The following TENM3 variants were observed in gnomAD, a reference collection of about 807,000 sequenced individuals.
TENM3 encodes the protein teneurin transmembrane protein 3, also known as teneurin-3.
Under a neutral mutation model 255.1 loss-of-function variants are expected in TENM3, and 63 were observed. That is an observed-to-expected ratio of 0.25 (90% CI 0.20 to 0.30). The LOEUF is 0.30. TENM3 is among the 10% of genes least tolerant of loss of function. TENM3 has a pLI of 1.00. For synonymous variants in TENM3, 1,306 were observed against 1,322.3 expected (o/e 0.99, Z 0.27); for missense variants, 2,929 against 3,461.1 (o/e 0.85, Z 3.86).
At chr4:182,691,760 TCTC>T (rs1344640496) in intron 12 of TENM3, among the ~76,000 whole-genome samples, 2 of 152,280 alleles carry the variant, frequency 1.3e-5, no homozygotes, top group African/African-American at 4.8e-5. Context: ...AATAGATACT[TCTC>T]CTTTCCTCCC....
chr4:182,679,276 A>G (rs1755921114), intron 7 of TENM3, among the ~76,000 whole-genome samples: 1 of 152,216 alleles, frequency 6.6e-6, no homozygotes, highest in Non-Finnish European at 1.5e-5. Context: ...ACGTACGACT[A>G]TTATATATCA....
At position 182,552,726 on chromosome 4, in the gene TENM3, G is replaced by A. The variant is rs750158733; in HGVS notation, c.512-48198G>A. ...GGCCAAAGATGGGAAAGGAAGAAGT[G>A]GATTAAATTATAGAATGAGATAGTA... On this transcript the variant is annotated intron_variant, in intron 3 of 27. Coordinates refer to ENST00000511685, the MANE Select transcript of TENM3 (RefSeq NM_001080477.4). 1.3e-3 allele frequency among the ~76,000 whole-genome samples: 192 copies of A among 152,142 alleles called. 4 individuals carry two copies. Among genetic ancestry groups the A allele is most frequent in the Non-Finnish European group, 3.5e-4 (24 of 68,036 alleles).
chr4:182,448,657 G>A (rs573414697), intron 3 of TENM3, among the ~76,000 whole-genome samples: 3 of 152,184 alleles, frequency 2.0e-5, no homozygotes, highest in South Asian at 2.1e-4. Flanking sequence ...TGCCCGGGGC[G>A]GCTCGCGAGC....
the TENM3 span, among the ~76,000 whole-genome samples, chr4:181,561,194 TCCAC>T: frequency 6.6e-6 from 1 of 152,170 alleles, no homozygotes; most frequent in Admixed American, 6.5e-5. Context: ...CCTCAGGTGA[TCCAC>T]CCATCTCGGC....
chr4:181,687,286 T>G, the TENM3 span, among the ~76,000 whole-genome samples: 1 of 152,216 alleles, frequency 6.6e-6, no homozygotes, highest in South Asian at 2.1e-4. Context: ...ATTTCTGCAT[T>G]GTAATGAAAC....
At chr4:182,602,058 A>G (rs1026706329) in intron 4 of TENM3, among the ~76,000 whole-genome samples, 6 of 152,250 alleles carry the variant, frequency 3.9e-5, no homozygotes, top group Non-Finnish European at 8.8e-5. Flanking sequence ...CCATTTCATT[A>G]TTCAGGATCT....
At chr4:182,256,194 A>G (rs1037663186) in intron 1 of TENM3, among the ~76,000 whole-genome samples, 1 of 152,222 alleles carries the variant, frequency 6.6e-6, no homozygotes, top group Non-Finnish European at 1.5e-5. Flanking sequence ...TTATAAGAAT[A>G]AAATGTGCAG....
At chr4:182,505,500 CAG>C (rs1736720850) in intron 3 of TENM3, among the ~76,000 whole-genome samples, 1 of 151,856 alleles carries the variant, frequency 6.6e-6, no homozygotes. Context: ...TTTTTTGAGA[CAG>C]AGTTTCACCC....
the TENM3 span, among the ~76,000 whole-genome samples, chr4:181,749,796 C>A: frequency 6.6e-6 from 1 of 152,112 alleles, no homozygotes; most frequent in Non-Finnish European, 1.5e-5. Context: ...AATTTGACCT[C>A]TTTCTGTAAG....
Position 182,603,784 on chromosome 4 carries a change from T to TATATATATATATATATAG in TENM3, c.749+2624_749+2625insTATATATATATATATAGA, listed in dbSNP as rs58332965. Among the ~76,000 whole-genome samples the TATATATATATATATATAG allele has an allele frequency of 5.2e-3, 704 of 134,142 alleles. 18 individuals carry two copies. The highest frequency in any genetic ancestry group is 8.2e-3 in the Non-Finnish European group (510 of 62,248). The allele number at this position is 134,142 out of a possible 152,430, so 88.0% of individuals were successfully genotyped here. On this transcript the variant is annotated intron_variant, in intron 4 of 27. Coordinates refer to ENST00000511685, the MANE Select transcript of TENM3 (RefSeq NM_001080477.4). ...AATTATTTATATATATATATATATA[T>TATATATATATATATATAG]ACACACACACACCGATTTTGCTAAT...
chr4:182,539,407 T>C (rs796168132), intron 3 of TENM3, among the ~76,000 whole-genome samples: 14 of 151,812 alleles, frequency 9.2e-5, no homozygotes, highest in African/African-American at 3.4e-4. Flanking sequence ...GATGAAGGAG[T>C]GAGCAAGGAG....
chr4:181,631,125 G>T, the TENM3 span, among the ~76,000 whole-genome samples: 7 of 152,190 alleles, frequency 4.6e-5, no homozygotes, highest in East Asian at 1.4e-3. Context: ...TGTTGGCAGA[G>T]TCCATCTTTT....
At chr4:182,444,009 A>G (rs544503402) in intron 3 of TENM3, among the ~76,000 whole-genome samples, 150 of 152,360 alleles carry the variant, frequency 9.8e-4, no homozygotes, top group Admixed American at 3.5e-3. Flanking sequence ...ATTATTGTGA[A>G]ATAAATATGT....
chr4:182,045,802 A>C, the TENM3 span, among the ~76,000 whole-genome samples: 1 of 152,224 alleles, frequency 6.6e-6, no homozygotes, highest in African/African-American at 2.4e-5. Context: ...TGGTCCCAGC[A>C]CTTTGGGAAG....
chr4:181,508,892 CTTTTTT>C, the TENM3 span, among the ~76,000 whole-genome samples: 8 of 53,816 alleles, frequency 1.5e-4, no homozygotes, highest in Middle Eastern at 0.018. Flanking sequence ...ATTTCCAACA[CTTTTTT>C]TTTTTTTTTT....
At chr4:182,781,517 T>G (rs1265117950) in intron 24 of TENM3, among the ~76,000 whole-genome samples, 1 of 152,160 alleles carries the variant, frequency 6.6e-6, no homozygotes, top group Non-Finnish European at 1.5e-5. Context: ...TCTAAAATTC[T>G]TTTTTGTTGT....
At chr4:181,476,210 T>TG in the TENM3 span, among the ~76,000 whole-genome samples, 1 of 40,236 alleles carries the variant, frequency 2.5e-5, no homozygotes. Flanking sequence ...TTAGGGGTTT[T>TG]TTTTTTTTTT....
the TENM3 span, among the ~76,000 whole-genome samples, chr4:181,856,193 G>C: frequency 6.6e-6 from 1 of 150,460 alleles, no homozygotes; most frequent in Non-Finnish European, 1.5e-5. Flanking sequence ...AAGGGAGGGA[G>C]GGGCACATGG....
chr4:181,800,896 A>G, the TENM3 span, among the ~76,000 whole-genome samples: 3 of 152,162 alleles, frequency 2.0e-5, no homozygotes, highest in Non-Finnish European at 4.4e-5. Flanking sequence ...CTTGAATGTC[A>G]AAGGCAAGAT....
Sources: gnomAD v4.1 joint callset for allele counts (sites outside exome capture counted in the v4.1 genomes callset) on GRCh38, gnomAD v4.1.1 for gene constraint, MANE v1.5 for transcripts, NCBI Gene and HGNC (gene_info 2026-07-23, HGNC 2026-07-21) for gene names.